The following PGM2L1 variants were observed in gnomAD, a reference collection of about 807,000 sequenced individuals.
The protein encoded by PGM2L1 is phosphoglucomutase 2 like 1.
In PGM2L1, 35 loss-of-function variants were observed where a neutral mutation model predicts 73.4. That is an observed-to-expected ratio of 0.48 (90% CI 0.36 to 0.63). PGM2L1 has a LOEUF of 0.63. Ranked by LOEUF, PGM2L1 falls within the 30% of genes least tolerant of loss-of-function variation. The probability of loss-of-function intolerance (pLI) is 0.00; values close to 1 mark genes in which losing one functional copy is unlikely to be tolerated. For missense variants in PGM2L1, 570 were observed against 742.0 expected, an observed-to-expected ratio of 0.77 and a Z score of 2.69; for synonymous variants, 225 against 253.8, an observed-to-expected ratio of 0.89 and a Z score of 1.08.
chr11:74,373,002 A>G (rs1862795876), intron 2 of PGM2L1, among the ~76,000 whole-genome samples: 1 of 148,400 alleles, frequency 6.7e-6, no homozygotes, highest in Non-Finnish European at 1.5e-5. Flanking sequence ...GGTTGGTGGA[A>G]AAGTAATTGT....
Position 74,374,585 on chromosome 11 carries a change from A to G in PGM2L1, c.112-3T>C. The G allele has an allele frequency of 6.2e-7, 1 of 1,612,518 alleles. No homozygotes were observed. Among genetic ancestry groups the G allele is most frequent in the Non-Finnish European group, 8.5e-7 (1 of 1,179,050 alleles). ...ATCTGCTCTTTTGTTTTGGGATTCT[A>G]TAAAAAAGAAGTATTAAAACTTAAC... On this transcript the variant is annotated splice_polypyrimidine_tract_variant and splice_region_variant and intron_variant, in intron 1 of 13. Transcript: ENST00000298198.
At chr11:74,375,344 G>A (rs1862840056) in intron 1 of PGM2L1, among the ~76,000 whole-genome samples, 1 of 152,136 alleles carries the variant, frequency 6.6e-6, no homozygotes, top group African/African-American at 2.4e-5. Context: ...AAGAATACCT[G>A]TCACTGAAAA....
intron 5 of PGM2L1, among the ~76,000 whole-genome samples, chr11:74,358,693 A>T (rs1862501407): frequency 6.6e-6 from 1 of 152,228 alleles, no homozygotes. Flanking sequence ...GTTCAAGACC[A>T]GCCTGGCCAA....
chr11:74,342,240 G>A (rs1486229281), intron 12 of PGM2L1, among the ~76,000 whole-genome samples: 3 of 151,982 alleles, frequency 2.0e-5, no homozygotes, highest in Admixed American at 1.3e-4. Flanking sequence ...TGGTAAACAC[G>A]TGGACTTGCT....
In PGM2L1 at chr11:74,362,646, C is replaced by A. The variant is rs935122975; in HGVS notation, c.555+5846G>T. The stretch of plus-strand genomic sequence containing the variant: ...CCATCAGTGTGCTGTATTCAGGAGA[C>A]GCATCTCACGTGCAGATACACACAT... On this transcript the variant is annotated intron_variant, in intron 5 of 13. Transcript: ENST00000298198. 4.6e-5 allele frequency among the ~76,000 whole-genome samples: 7 copies of A among 152,010 alleles called. No homozygotes were observed. In the South Asian group the frequency reaches 1.0e-3, roughly 22 times the overall value.
intron 1 of PGM2L1, among the ~76,000 whole-genome samples, chr11:74,385,272 C>A (rs1237773101): frequency 6.6e-6 from 1 of 152,108 alleles, no homozygotes; most frequent in Non-Finnish European, 1.5e-5. Flanking sequence ...ACATGTACTC[C>A]ACTATATGTA....
At chr11:74,389,931 G>T (rs1377459386) in intron 1 of PGM2L1, among the ~76,000 whole-genome samples, 1 of 68,900 alleles carries the variant, frequency 1.5e-5, no homozygotes, top group Non-Finnish European at 2.7e-5. Context: ...GTGAAACCCC[G>T]TCCCTACTAA....
intron 1 of PGM2L1, among the ~76,000 whole-genome samples, chr11:74,380,189 C>G (rs1160235198): frequency 6.6e-6 from 1 of 152,022 alleles, no homozygotes; most frequent in Non-Finnish European, 1.5e-5. Flanking sequence ...TATTTCTAAC[C>G]AGAAGTTAAA....
rs566893830 is a variant in PGM2L1, at chr11:74,335,717, G to T, written c.*935C>A. Reference sequence around the variant, plus strand: ...GTTCAGATTTTTTTCTGTAATAAAAGGTTTGATAAATGACACAATTCTAAT... The same window carrying T: ...GTTCAGATTTTTTTCTGTAATAAAATGTTTGATAAATGACACAATTCTAAT... On this transcript the variant is annotated 3_prime_UTR_variant, in exon 14 of 14. Coordinates refer to ENST00000298198, the MANE Select transcript of PGM2L1 (RefSeq NM_173582.6). The T allele has an allele frequency of 7.1e-4, 108 of 152,528 alleles. No homozygotes were observed. Among genetic ancestry groups the T allele is most frequent in the African/African-American group, 2.6e-3 (107 of 41,542 alleles). The allele number at this position is 152,528 out of a possible 1,614,324, so 9.4% of individuals were successfully genotyped here.
At position 74,332,725 on chromosome 11, in the gene PGM2L1, C is replaced by T. The variant is rs1327815754; in HGVS notation, c.*3927G>A. 6.6e-6 allele frequency: 1 copy of T among 152,434 alleles called. No individual in the cohort carries two copies. The allele number at this position is 152,434 out of a possible 1,614,324, so 9.4% of individuals were successfully genotyped here. A position where few individuals can be genotyped will look rare whatever the true frequency, so the allele number is the denominator to read the frequency against. ...TAAACTACAGCTAATATCCCTGTTG[C>T]ATCAATTCCAGAAGCAACTTGCTTA... On this transcript the variant is annotated 3_prime_UTR_variant, in exon 14 of 14. Transcript: ENST00000298198.
intron 12 of PGM2L1, among the ~76,000 whole-genome samples, chr11:74,339,642 C>T (rs1862154265): frequency 6.6e-6 from 1 of 152,150 alleles, no homozygotes; most frequent in Non-Finnish European, 1.5e-5. Context: ...ATTCAGGTGA[C>T]CATCACACCT....
Position 74,334,085 on chromosome 11 carries a change from T to C in PGM2L1, c.*2567A>G, listed in dbSNP as rs1330379471. Reference sequence around the variant, plus strand: ...TCATGACAGGCTAGAATAAAATAATTCCCTCAATCGATACACTTCAGGAAC... The same window carrying C: ...TCATGACAGGCTAGAATAAAATAATCCCCTCAATCGATACACTTCAGGAAC... On this transcript the variant is annotated 3_prime_UTR_variant, in exon 14 of 14. Transcript: ENST00000298198. 2 of 152,140 alleles carry C rather than the reference T, an allele frequency of 1.3e-5. No individual in the cohort carries two copies. Among genetic ancestry groups the C allele is most frequent in the Non-Finnish European group, 2.9e-5 (2 of 68,024 alleles). 9.4% of individuals were successfully genotyped at this position (152,140 alleles called of 1,614,324 possible).
chr11:74,379,906 A>G (rs1862913150), intron 1 of PGM2L1, among the ~76,000 whole-genome samples: 1 of 152,124 alleles, frequency 6.6e-6, no homozygotes, highest in Non-Finnish European at 1.5e-5. Flanking sequence ...AGCCTGGACA[A>G]CAAGAGTGAA....
At chr11:74,388,514 A>G (rs1041751172) in intron 1 of PGM2L1, among the ~76,000 whole-genome samples, 1 of 152,138 alleles carries the variant, frequency 6.6e-6, no homozygotes, top group African/African-American at 2.4e-5. Context: ...TTACCTATAT[A>G]AATAATGAAA....
Position 74,371,696 on chromosome 11 carries a change from C to T in PGM2L1, c.386+15G>A, listed in dbSNP as rs757439859. On this transcript the variant is annotated intron_variant, in intron 3 of 13. Transcript: ENST00000298198. ...TTCTATTTCAACTTAATCTTTGAAA[C>T]AATTAACTTTGTACCTCTGGCTGCT... The T allele has an allele frequency of 6.3e-6, 10 of 1,597,174 alleles. No individual in the cohort carries two copies. In the South Asian group the frequency reaches 9.9e-5, roughly 16 times the overall value.
chr11:74,343,299 A>T, intron 10 of PGM2L1, 24 bp downstream of exon 10: 1 of 1,546,536 alleles, frequency 6.5e-7, no homozygotes, highest in Non-Finnish European at 8.6e-7. Flanking sequence ...TCAAATTTTG[A>T]AGATTTTAAT....
rs2134930526 is a variant in PGM2L1, at chr11:74,371,768, C to A, written c.329G>T (p.Gly110Val). 4.3e-6 allele frequency: 7 copies of A among 1,613,968 alleles called. No homozygotes were observed. Among genetic ancestry groups the A allele is most frequent in the Non-Finnish European group, 5.1e-6 (6 of 1,179,898 alleles). Residue 110 changes from glycine (G) to valine (V), a missense_variant, in exon 3 of 14, where the codon GGC becomes GTC. Transcript: ENST00000298198. ...CCGAGTGTCATACCCAACCACAAAG[C>A]CTCTCTGCTTGAAGTCTGAGAAACA... is the stretch of plus-strand genomic sequence containing the variant. The part of the protein sequence containing the change: ...ERCFSDFKQR[G>V]FVVGYDTRGQ...
At position 74,398,388 on chromosome 11, in the gene PGM2L1, G is replaced by C; in HGVS notation, c.-227C>G. The C allele has an allele frequency of 1.8e-6, 1 of 562,884 alleles. No individual in the cohort carries two copies. Among genetic ancestry groups the C allele is most frequent in the South Asian group, 3.9e-5 (1 of 25,654 alleles). The allele number at this position is 562,884 out of a possible 1,614,324, so 34.9% of individuals were successfully genotyped here. A position where few individuals can be genotyped will look rare whatever the true frequency, so the allele number is the denominator to read the frequency against. The stretch of plus-strand genomic sequence containing the variant: ...GCGGACCAGGTCCGGGTCTCTGGGC[G>C]AAGTGACTGAGGCGGTCGCGCCGCG... On this transcript the variant is annotated 5_prime_UTR_variant, in exon 1 of 14. Transcript: ENST00000298198.
chr11:74,358,821 G>A lies in PGM2L1; in HGVS notation c.556-7245C>T, dbSNP rs552508945. Among the ~76,000 whole-genome samples, 197 of 152,228 alleles carry A rather than the reference G, an allele frequency of 1.3e-3. 1 individual carries two copies. Among genetic ancestry groups the A allele is most frequent in the African/African-American group, 4.4e-3 (182 of 41,550 alleles). On this transcript the variant is annotated intron_variant, in intron 5 of 13. Transcript: ENST00000298198. Reference sequence around the variant, plus strand: ...GGAGAATTGCTTGAACCTGGGAGGCGAAGGTTGCAGTGAGCTGAGATCGTG... The same window carrying A: ...GGAGAATTGCTTGAACCTGGGAGGCAAAGGTTGCAGTGAGCTGAGATCGTG...
Sources: allele counts gnomAD v4.1 joint callset (sites outside exome capture counted in the v4.1 genomes callset), GRCh38; gene constraint gnomAD v4.1.1; transcripts MANE v1.5; gene names NCBI Gene and HGNC (gene_info 2026-07-23, HGNC 2026-07-21).